The following MIPOL1 variants were observed in gnomAD, a reference collection of about 807,000 sequenced individuals.
MIPOL1 encodes mirror-image polydactyly gene 1 protein.
Under a neutral mutation model 60.9 loss-of-function variants are expected in MIPOL1, and 57 were observed. The ratio of observed to expected loss-of-function variants is 0.94; its 90% CI spans 0.76 to 1.17. MIPOL1 has a LOEUF of 1.17. Ranked by LOEUF, MIPOL1 falls within the 50% of genes most tolerant of loss-of-function variation. The pLI is 0.00. For missense variants in MIPOL1, 551 were observed against 511.6 expected, an observed-to-expected ratio of 1.08 and a Z score of -0.74; for synonymous variants, 179 against 168.8, an observed-to-expected ratio of 1.06 and a Z score of -0.47.
Position 37,306,373 on chromosome 14 carries a change from A to C in MIPOL1, c.624-1683A>C, listed in dbSNP as rs1190685886. 5.9e-5 allele frequency among the ~76,000 whole-genome samples: 9 copies of C among 152,034 alleles called. No homozygotes were observed. The East Asian group carries it at 1.5e-3, about 26-fold the overall frequency. On this transcript the variant is annotated intron_variant, in intron 7 of 12. Transcript: ENST00000684589. ...AAAAATAGAGATTTATAACCTTGGT[A>C]ACTAAATGTCTTTTGTTGTTGCAAA...
At chr14:37,451,622 T>G (rs1057405112) in intron 11 of MIPOL1, among the ~76,000 whole-genome samples, 1 of 151,552 alleles carries the variant, frequency 6.6e-6, no homozygotes, top group South Asian at 2.1e-4. Context: ...GATTGTTTAA[T>G]GAAGAAATAC....
intron 5 of MIPOL1, among the ~76,000 whole-genome samples, chr14:37,269,980 AC>A: frequency 6.6e-6 from 1 of 152,142 alleles, no homozygotes; most frequent in Non-Finnish European, 1.5e-5. Context: ...GGTGCCCGCC[AC>A]CACACCTAGC....
chr14:37,513,839 A>G (rs930453603), intron 12 of MIPOL1, among the ~76,000 whole-genome samples: 2 of 152,198 alleles, frequency 1.3e-5, no homozygotes, highest in Non-Finnish European at 2.9e-5. Context: ...GCATACTCAG[A>G]TAGATAAAAC....
chr14:37,474,329 C>G (rs548264137), intron 11 of MIPOL1, among the ~76,000 whole-genome samples: 3 of 152,236 alleles, frequency 2.0e-5, no homozygotes, highest in African/African-American at 7.2e-5. Context: ...TGTCCCCACC[C>G]AAATCTCATC....
Position 37,294,572 on chromosome 14 carries a change from C to G in MIPOL1, c.623+9125C>G, listed in dbSNP as rs186263372. Among the ~76,000 whole-genome samples the G allele has an allele frequency of 1.3e-4, 20 of 152,060 alleles. 1 individual carries two copies. In the South Asian group the frequency reaches 4.2e-3, roughly 32 times the overall value. ...TTAAAAACTTTGAAAAAAAATTAGA[C>G]GAATGGATAACTAGAATAATCAATG... On this transcript the variant is annotated intron_variant, in intron 7 of 12. Transcript: ENST00000684589.
At chr14:37,266,301 C>T (rs1385782649) in intron 3 of MIPOL1, among the ~76,000 whole-genome samples, 1 of 152,170 alleles carries the variant, frequency 6.6e-6, no homozygotes, top group Non-Finnish European at 1.5e-5. Context: ...GGAACAGATA[C>T]ATCTGAAGAT....
At chr14:37,282,060 A>T (rs989471992) in intron 6 of MIPOL1, among the ~76,000 whole-genome samples, 3 of 150,388 alleles carry the variant, frequency 2.0e-5, no homozygotes, top group Non-Finnish European at 3.0e-5. Context: ...AAGTAGCATT[A>T]AAAAAAAAGT....
At chr14:37,257,072 T>C (rs950722368) in intron 3 of MIPOL1, among the ~76,000 whole-genome samples, 3 of 145,998 alleles carry the variant, frequency 2.1e-5, no homozygotes, top group African/African-American at 7.6e-5. Flanking sequence ...TTCTTTTTGT[T>C]TTTTGGGTTT....
chr14:37,387,383 A>G lies in MIPOL1; in HGVS notation c.936+17759A>G, dbSNP rs573849291. On this transcript the variant is annotated intron_variant, in intron 10 of 12. Transcript: ENST00000684589. ...AATATTTTGATCAGATGAAACAACTACTAAGGAAACAATAATTTTATTTCA... is the reference window on the plus strand; with the variant it reads ...AATATTTTGATCAGATGAAACAACTGCTAAGGAAACAATAATTTTATTTCA... Among the ~76,000 whole-genome samples the G allele has an allele frequency of 2.0e-5, 3 of 152,098 alleles. No individual in the cohort carries two copies. The South Asian group carries it at 6.2e-4, about 31-fold the overall frequency.
chr14:37,237,759 A>G (rs1043894158), intron 1 of MIPOL1, among the ~76,000 whole-genome samples: 32 of 152,134 alleles, frequency 2.1e-4, no homozygotes, highest in Non-Finnish European at 4.6e-4. Context: ...GTGTCTGGCT[A>G]AGACACTGTG....
At chr14:37,392,004 AAG>A (rs1412957075) in intron 10 of MIPOL1, among the ~76,000 whole-genome samples, 1 of 152,196 alleles carries the variant, frequency 6.6e-6, no homozygotes. Context: ...ATCCTGAAAA[AAG>A]AATAATTTAT....
chr14:37,349,740 T>C (rs2153471673), intron 9 of MIPOL1, among the ~76,000 whole-genome samples: 1 of 152,352 alleles, frequency 6.6e-6, no homozygotes, highest in Middle Eastern at 3.4e-3. Context: ...TATCATTCTA[T>C]ATATTTCATT....
intron 3 of MIPOL1, among the ~76,000 whole-genome samples, chr14:37,252,661 T>C (rs1343866826): frequency 1.3e-5 from 2 of 151,952 alleles, no homozygotes; most frequent in African/African-American, 4.8e-5. Context: ...TATTGATTCA[T>C]TTATCTTTCT....
intron 9 of MIPOL1, among the ~76,000 whole-genome samples, chr14:37,313,407 G>C (rs1358212900): frequency 6.6e-6 from 1 of 152,142 alleles, no homozygotes; most frequent in East Asian, 1.9e-4. Context: ...AATGGGCAAG[G>C]CCTGGCACCT....
At chr14:37,471,314 G>A (rs193268241) in intron 11 of MIPOL1, among the ~76,000 whole-genome samples, 126 of 152,324 alleles carry the variant, frequency 8.3e-4, no homozygotes, top group African/African-American at 2.9e-3. Flanking sequence ...ATCCTTGACA[G>A]AAAACGACAA....
intron 11 of MIPOL1, among the ~76,000 whole-genome samples, chr14:37,487,559 G>A (rs1334130238): frequency 4.6e-5 from 7 of 152,150 alleles, no homozygotes; most frequent in African/African-American, 1.7e-4. Flanking sequence ...TCCTGGTTTA[G>A]ACTTGGAAAG....
chr14:37,370,629 C>T (rs1950519), intron 10 of MIPOL1, among the ~76,000 whole-genome samples: 150,446 of 152,244 alleles, frequency 0.99, 74,358 homozygotes, highest in Middle Eastern at 1. Context: ...CTAAGAAGTA[C>T]GAGATTTGGT....
At chr14:37,356,931 C>T (rs1003399138) in intron 9 of MIPOL1, among the ~76,000 whole-genome samples, 3 of 152,130 alleles carry the variant, frequency 2.0e-5, no homozygotes, top group Non-Finnish European at 4.4e-5. Flanking sequence ...TGGCTCCTCC[C>T]CCCAGGATCT....
chr14:37,449,885 T>C (rs932885572), intron 11 of MIPOL1, among the ~76,000 whole-genome samples: 3 of 152,138 alleles, frequency 2.0e-5, no homozygotes, highest in Non-Finnish European at 2.9e-5. Flanking sequence ...CTGTCTCAGC[T>C]CACTGCAACC....
Sources: allele counts gnomAD v4.1 joint callset (sites outside exome capture counted in the v4.1 genomes callset), GRCh38; gene constraint gnomAD v4.1.1; transcripts MANE v1.5; gene names NCBI Gene and HGNC (gene_info 2026-07-23, HGNC 2026-07-21).